GALNT13: variants seen among roughly 807,000 people sequenced by gnomAD.
GALNT13 encodes polypeptide N-acetylgalactosaminyltransferase 13.
Under a neutral mutation model 64.2 loss-of-function variants are expected in GALNT13, and 28 were observed. The ratio of observed to expected loss-of-function variants is 0.44; its 90% CI spans 0.32 to 0.60. GALNT13 has a LOEUF of 0.60. Among genes scored for constraint, GALNT13 ranks in the 20% least tolerant of loss-of-function variants. The pLI, the probability that GALNT13 is intolerant of heterozygous loss-of-function variation, is 0.05. For missense variants in GALNT13, 577 were observed against 669.8 expected (o/e 0.86, Z 1.53); for synonymous variants, 214 against 224.6 (o/e 0.95, Z 0.42).
At chr2:153,796,602 T>C in the GALNT13 span, among the ~76,000 whole-genome samples, 2 of 152,188 alleles carry the variant, frequency 1.3e-5, no homozygotes, top group Non-Finnish European at 2.9e-5. Flanking sequence ...AAGAAAGCAT[T>C]CTTGGCAGTA....
intron 10 of GALNT13, among the ~76,000 whole-genome samples, chr2:154,401,373 A>G (rs572682100): frequency 1.1e-4 from 16 of 152,264 alleles, no homozygotes; most frequent in Non-Finnish European, 2.1e-4. Context: ...GATGACCAGC[A>G]AGAAAGCCTT....
At chr2:154,025,042 G>C (rs138095727) in intron 3 of GALNT13, among the ~76,000 whole-genome samples, 132 of 152,270 alleles carry the variant, frequency 8.7e-4, no homozygotes, top group Middle Eastern at 3.4e-3. Context: ...CTGCCTGATC[G>C]TTCCTCTGGA....
chr2:153,649,196 G>C, the GALNT13 span, among the ~76,000 whole-genome samples: 1 of 151,952 alleles, frequency 6.6e-6, no homozygotes, highest in South Asian at 2.1e-4. Flanking sequence ...GTCTTGGGAG[G>C]GTGTATGTTT....
intron 2 of GALNT13, among the ~76,000 whole-genome samples, chr2:153,926,037 AC>A (rs755895278): frequency 3.3e-5 from 5 of 151,778 alleles, no homozygotes; most frequent in Non-Finnish European, 7.4e-5. Context: ...CCATTCTAAT[AC>A]CCTTTATTTC....
chr2:153,780,266 T>A, the GALNT13 span, among the ~76,000 whole-genome samples: 532 of 141,176 alleles, frequency 3.8e-3, 15 homozygotes, highest in African/African-American at 0.013. Flanking sequence ...TATGCATATA[T>A]ATATCAGAAG....
At chr2:153,567,059 C>A in the GALNT13 span, among the ~76,000 whole-genome samples, 35,208 of 152,090 alleles carry the variant, frequency 0.23, 4,359 homozygotes, top group East Asian at 0.37. Context: ...TTGGTTGACT[C>A]TTTTGCTTTT....
the GALNT13 span, among the ~76,000 whole-genome samples, chr2:153,099,515 G>A: frequency 1.4e-4 from 21 of 152,116 alleles, no homozygotes; most frequent in East Asian, 3.7e-3. Context: ...ATAAAGGCAG[G>A]CAAATACATA....
the GALNT13 span, among the ~76,000 whole-genome samples, chr2:153,095,900 C>T: frequency 1.1e-4 from 17 of 150,158 alleles, no homozygotes; most frequent in African/African-American, 2.2e-4. Flanking sequence ...GTGGGGGGAG[C>T]GGGGAGGGAT....
chr2:153,682,256 G>C, the GALNT13 span, among the ~76,000 whole-genome samples: 1 of 151,522 alleles, frequency 6.6e-6, no homozygotes, highest in Non-Finnish European at 1.5e-5. Context: ...CCTTTTTTCA[G>C]TCTCCAATTT....
the GALNT13 span, among the ~76,000 whole-genome samples, chr2:153,154,602 C>T: frequency 2.6e-5 from 4 of 152,152 alleles, no homozygotes; most frequent in Admixed American, 6.5e-5. Context: ...GACTTTGTAC[C>T]GTGAGACTTT....
At chr2:154,025,943 A>G (rs925013925) in intron 3 of GALNT13, among the ~76,000 whole-genome samples, 2 of 152,006 alleles carry the variant, frequency 1.3e-5, no homozygotes, top group Non-Finnish European at 1.5e-5. Flanking sequence ...GGCAGGCAGG[A>G]CTCAGATCAT....
the GALNT13 span, among the ~76,000 whole-genome samples, chr2:153,330,710 A>G: frequency 2.6e-5 from 4 of 152,116 alleles, no homozygotes; most frequent in Non-Finnish European, 5.9e-5. Flanking sequence ...GTATAGAATC[A>G]TATCATTCAC....
chr2:153,527,887 G>A, the GALNT13 span, among the ~76,000 whole-genome samples: 1 of 151,986 alleles, frequency 6.6e-6, no homozygotes, highest in African/African-American at 2.4e-5. Flanking sequence ...GATAGTATTT[G>A]CAAGCCTCTT....
At chr2:153,900,372 C>T (rs1688157351) in intron 1 of GALNT13, among the ~76,000 whole-genome samples, 1 of 152,102 alleles carries the variant, frequency 6.6e-6, no homozygotes, top group Non-Finnish European at 1.5e-5. Context: ...GAGAATGGAA[C>T]TGTTTGTGTA....
At chr2:153,864,844 A>G in the GALNT13 span, among the ~76,000 whole-genome samples, 17 of 148,364 alleles carry the variant, frequency 1.1e-4, no homozygotes, top group Non-Finnish European at 1.9e-4. Context: ...AAGAGCCCGC[A>G]TCGCCAAGTC....
At chr2:153,706,651 A>G in the GALNT13 span, among the ~76,000 whole-genome samples, 2 of 152,152 alleles carry the variant, frequency 1.3e-5, no homozygotes, top group Admixed American at 6.5e-5. Context: ...TTCTGGACAT[A>G]TATTTCATAT....
chr2:153,215,489 A>G, the GALNT13 span, among the ~76,000 whole-genome samples: 5 of 152,226 alleles, frequency 3.3e-5, no homozygotes, highest in African/African-American at 7.2e-5. Context: ...AATGAGATCT[A>G]TTTGTCTAAC....
the GALNT13 span, among the ~76,000 whole-genome samples, chr2:153,342,345 A>G: frequency 2.6e-5 from 4 of 152,136 alleles, no homozygotes; most frequent in African/African-American, 7.2e-5. Flanking sequence ...TTTGTGAATA[A>G]TATTATAATT....
chr2:153,478,280 T>C, the GALNT13 span: 1 of 1,613,990 alleles, frequency 6.2e-7, no homozygotes, highest in Admixed American at 1.7e-5. Context: ...TTAGACGGCC[T>C]CCGGTCCTTC....
Sources: allele counts gnomAD v4.1 joint callset (sites outside exome capture counted in the v4.1 genomes callset), GRCh38; gene constraint gnomAD v4.1.1; transcripts MANE v1.5; gene names NCBI Gene and HGNC (gene_info 2026-07-23, HGNC 2026-07-21).